MYO9A: variants seen among roughly 807,000 people sequenced by gnomAD.
MYO9A encodes unconventional myosin-IXa.
A neutral mutation model predicts 293.3 loss-of-function variants in MYO9A; 103 were observed. The observed-to-expected ratio is 0.35, with a 90% confidence interval of 0.30 to 0.41. The LOEUF is 0.41. MYO9A is among the 10% of genes least tolerant of loss of function. The probability of loss-of-function intolerance (pLI) is 1.00; values close to 1 mark genes in which losing one functional copy is unlikely to be tolerated. For synonymous variants in MYO9A, 1,001 were observed against 1,035.7 expected, an observed-to-expected ratio of 0.97 and a Z score of 0.64; for missense variants, 2,685 against 3,033.0, an observed-to-expected ratio of 0.89 and a Z score of 2.69.
At chr15:72,038,727 A>G (rs2078136858) in intron 2 of MYO9A, among the ~76,000 whole-genome samples, 1 of 152,246 alleles carries the variant, frequency 6.6e-6, no homozygotes, top group African/African-American at 2.4e-5. Context: ...GCCCGTGCCC[A>G]TCACTGTACA....
chr15:71,956,592 G>A (rs896833454), intron 14 of MYO9A, among the ~76,000 whole-genome samples: 1 of 150,016 alleles, frequency 6.7e-6, no homozygotes, highest in Non-Finnish European at 1.5e-5. Context: ...GTTGCAGTGA[G>A]CCAAGATTGC....
At chr15:72,117,586 A>C (rs1442539079) in intron 1 of MYO9A, 94 bp downstream of exon 1, 1 of 383,330 alleles carries the variant, frequency 2.6e-6, no homozygotes, top group African/African-American at 2.1e-5. Context: ...CTCCGCTGGG[A>C]CGGGGCGGGG....
At chr15:72,101,975 C>CGGGG (rs1424366527) in intron 1 of MYO9A, among the ~76,000 whole-genome samples, 1 of 151,900 alleles carries the variant, frequency 6.6e-6, no homozygotes, top group Non-Finnish European at 1.5e-5. Context: ...GCCACCACCC[C>CGGGG]GTCTGGGAGG....
At chr15:72,110,153 A>G (rs1213815137) in intron 1 of MYO9A, among the ~76,000 whole-genome samples, 1 of 150,842 alleles carries the variant, frequency 6.6e-6, no homozygotes, top group Non-Finnish European at 1.5e-5. Context: ...AGGAAATTCC[A>G]GGCCGGGTGT....
chr15:71,994,534 C>T lies in MYO9A; in HGVS notation c.1522G>A (p.Asp508Asn), dbSNP rs2076640586. Residue 508 changes from aspartate (D) to asparagine (N), a missense_variant, in exon 10 of 42, where the codon GAC becomes AAC. By Grantham distance (23) the Asp-to-Asn change is conservative. Transcript: ENST00000356056. Reference protein sequence around the residue: ...MAKSLYSALFDWIVFRINHAL... With the variant: ...MAKSLYSALFNWIVFRINHAL... ...TGATTAATTCGAAAAACTATCCAGT[C>T]AAACAGGGCACTATACAGAGACTTA... The T allele has an allele frequency of 1.2e-5, 20 of 1,611,748 alleles. No individual in the cohort carries two copies. The highest frequency in any genetic ancestry group is 1.5e-5 in the Non-Finnish European group (18 of 1,179,516).
intron 8 of MYO9A, among the ~76,000 whole-genome samples, chr15:72,001,835 G>A (rs2076874993): frequency 6.6e-6 from 1 of 151,660 alleles, no homozygotes; most frequent in African/African-American, 2.4e-5. Flanking sequence ...TAAATAAAAG[G>A]CCTCAACCTT....
intron 3 of MYO9A, among the ~76,000 whole-genome samples, chr15:72,030,551 T>A (rs1425832883): frequency 6.6e-6 from 1 of 152,114 alleles, no homozygotes; most frequent in African/African-American, 2.4e-5. Context: ...CCTTGAACTT[T>A]GTTTTTTTGG....
Position 72,046,336 on chromosome 15 carries a change from G to C in MYO9A, c.228C>G (p.Leu76=). 1 of 1,613,984 alleles carries C rather than the reference G, an allele frequency of 6.2e-7. No individual in the cohort carries two copies. The highest frequency in any genetic ancestry group is 8.5e-7 in the Non-Finnish European group (1 of 1,179,866). ...GCTGAACTGGACAATCTGTTGGATT[G>C]AGAATCCATTCTTCTCCACCAAATT... ...VKEFGGEEWI[L]NPTDCPVQRM... The change falls in exon 2 of 42, where the codon CTC becomes CTG. Residue 76 remains leucine (L), a synonymous_variant. Transcript: ENST00000356056.
At chr15:71,931,942 A>T (rs1334745873) in intron 18 of MYO9A, among the ~76,000 whole-genome samples, 1 of 151,320 alleles carries the variant, frequency 6.6e-6, no homozygotes, top group African/African-American at 2.4e-5. Flanking sequence ...GGAAATTAGG[A>T]TGTGCCAAGT....
At chr15:72,054,979 C>T (rs533954396) in intron 1 of MYO9A, among the ~76,000 whole-genome samples, 4 of 150,660 alleles carry the variant, frequency 2.7e-5, no homozygotes, top group East Asian at 3.9e-4. Flanking sequence ...TAAGATGTGA[C>T]GAGACTGTAT....
At chr15:72,018,311 T>C (rs762323933) in intron 6 of MYO9A, among the ~76,000 whole-genome samples, 1 of 150,660 alleles carries the variant, frequency 6.6e-6, no homozygotes, top group Non-Finnish European at 1.5e-5. Context: ...CTACTAAAAA[T>C]AGAAAAATCA....
intron 6 of MYO9A, among the ~76,000 whole-genome samples, chr15:72,015,655 C>T (rs1438777569): frequency 6.6e-6 from 1 of 151,328 alleles, no homozygotes; most frequent in Non-Finnish European, 1.5e-5. Context: ...GGCTGACCGA[C>T]CCTTTACATT....
chr15:71,850,228 G>A, intron 37 of MYO9A, 61 bp from the exon 38 acceptor site: 1 of 1,574,274 alleles, frequency 6.4e-7, no homozygotes, highest in Non-Finnish European at 8.7e-7. Flanking sequence ...GCACCATAGG[G>A]AAATAGGCAG....
intron 27 of MYO9A, among the ~76,000 whole-genome samples, chr15:71,884,959 CTTTT>C (rs544597176): frequency 8.8e-5 from 12 of 136,650 alleles, no homozygotes; most frequent in South Asian, 7.0e-4. Context: ...TTCTTTCTTC[CTTTT>C]TTTTTTTTTT....
chr15:72,045,870 T>C lies in MYO9A; in HGVS notation c.694A>G (p.Asn232Asp). 1 of 1,614,164 alleles carries C rather than the reference T, an allele frequency of 6.2e-7. No individual in the cohort carries two copies. The highest frequency in any genetic ancestry group is 8.5e-7 in the Non-Finnish European group (1 of 1,180,040). The change falls in exon 2 of 42, where the codon AAT becomes GAT. Residue 232 changes from asparagine (N) to aspartate (D), a missense_variant. Physicochemically the swap from Asn to Asp is conservative, Grantham distance 23. Transcript: ENST00000356056. The stretch of plus-strand genomic sequence containing the variant: ...TCTCCTGAAATCACGATGCACTGAT[T>C]CTTTTTGCGCTGAAGCATGGCATGA... ...AYHAMLQRKK[N>D]QCIVISGESG...
intron 37 of MYO9A, 89 bp downstream of exon 37, chr15:71,851,164 G>C: frequency 5.1e-6 from 5 of 989,358 alleles, no homozygotes; most frequent in Non-Finnish European, 6.1e-6. Context: ...ATAAATACCT[G>C]TCAGTCTTCC....
In MYO9A at chr15:71,899,722, C is replaced by T. The variant is rs776971172; in HGVS notation, c.3435G>A (p.Leu1145=). The change falls in exon 24 of 42, where the codon TTG becomes TTA. Residue 1145 remains leucine, a synonymous_variant. Transcript: ENST00000356056. ...CTCTGAATCCTCTACATGTTGATTGCAAAAGGATAATTTTTTTCCTTTGTT... is the reference window on the plus strand; with the variant it reads ...CTCTGAATCCTCTACATGTTGATTGTAAAAGGATAATTTTTTTCCTTTGTT... ...YQEQRKKIIL[L]QSTCRGFRAR... The T allele has an allele frequency of 6.2e-7, 1 of 1,613,892 alleles. No individual in the cohort carries two copies. The highest frequency in any genetic ancestry group is 1.7e-5 in the Admixed American group (1 of 59,944).
At chr15:71,950,963 T>C (rs181855277) in intron 15 of MYO9A, among the ~76,000 whole-genome samples, 25 of 152,172 alleles carry the variant, frequency 1.6e-4, no homozygotes, top group Non-Finnish European at 3.1e-4. Context: ...ATAATAGTAA[T>C]CTTACAACTG....
chr15:72,098,217 C>T (rs1323775319), intron 1 of MYO9A, among the ~76,000 whole-genome samples: 1 of 151,580 alleles, frequency 6.6e-6, no homozygotes, highest in Non-Finnish European at 1.5e-5. Context: ...GGCAACATGG[C>T]TTCTATCTGG....
Sources: allele counts gnomAD v4.1 joint callset (sites outside exome capture counted in the v4.1 genomes callset), GRCh38; gene constraint gnomAD v4.1.1; transcripts MANE v1.5; gene names NCBI Gene and HGNC (gene_info 2026-07-23, HGNC 2026-07-21).